PRIMA1: variants seen among roughly 807,000 people sequenced by gnomAD.
PRIMA1 encodes proline-rich membrane anchor 1.
PRIMA1 carries 7 observed loss-of-function variants against 17.5 expected under a neutral mutation model. The observed-to-expected ratio is 0.40, with a 90% CI of 0.23 to 0.75. The LOEUF is 0.75. Ranked by LOEUF, PRIMA1 falls within the 30% of genes least tolerant of loss-of-function variation. PRIMA1 has a pLI of 0.37. For missense variants in PRIMA1, 200 were observed against 201.8 expected (o/e 0.99, Z 0.05); for synonymous variants, 97 against 77.9 (o/e 1.25, Z -1.29).
At chr14:93,788,170 C>T (rs1238824482) in intron 1 of PRIMA1, among the ~76,000 whole-genome samples, 2 of 152,228 alleles carry the variant, frequency 1.3e-5, no homozygotes, top group African/African-American at 2.4e-5. Context: ...ACACACTGAT[C>T]CCCGTGCACA....
chr14:93,743,956 C>T, intron 3 of PRIMA1, among the ~76,000 whole-genome samples: 1 of 152,252 alleles, frequency 6.6e-6, no homozygotes, highest in Non-Finnish European at 1.5e-5. Flanking sequence ...TCGGCCCTGC[C>T]TCAGCCAGCT....
intron 3 of PRIMA1, among the ~76,000 whole-genome samples, chr14:93,741,845 T>G (rs757399998): frequency 2.0e-5 from 3 of 151,928 alleles, no homozygotes; most frequent in Non-Finnish European, 4.4e-5. Flanking sequence ...CAGCCAAGAT[T>G]CTGCAAACAC....
intron 3 of PRIMA1, among the ~76,000 whole-genome samples, chr14:93,748,850 G>T (rs536788425): frequency 6.6e-6 from 1 of 152,034 alleles, no homozygotes; most frequent in East Asian, 1.9e-4. Context: ...CATCATTCCT[G>T]TGCCTAATTA....
At chr14:93,750,030 A>G (rs2076250458) in intron 3 of PRIMA1, among the ~76,000 whole-genome samples, 1 of 152,192 alleles carries the variant, frequency 6.6e-6, no homozygotes, top group Non-Finnish European at 1.5e-5. Context: ...AAAATACAAA[A>G]AAGTAGCCAG....
intron 3 of PRIMA1, among the ~76,000 whole-genome samples, chr14:93,775,950 T>C (rs1325726724): frequency 6.6e-6 from 1 of 152,202 alleles, no homozygotes; most frequent in Non-Finnish European, 1.5e-5. Flanking sequence ...GCCACCATGA[T>C]TGGTCCACAG....
At chr14:93,724,792 G>A (rs2076063598) in intron 4 of PRIMA1, among the ~76,000 whole-genome samples, 1 of 152,126 alleles carries the variant, frequency 6.6e-6, no homozygotes, top group African/African-American at 2.4e-5. Flanking sequence ...TTGGGCTTAG[G>A]GCTAAAATAA....
intron 2 of PRIMA1, among the ~76,000 whole-genome samples, chr14:93,783,121 T>C (rs1271311259): frequency 2.0e-5 from 3 of 152,226 alleles, no homozygotes; most frequent in African/African-American, 7.2e-5. Flanking sequence ...CCATGCTATT[T>C]TGCAATGTGT....
intron 2 of PRIMA1, among the ~76,000 whole-genome samples, chr14:93,785,187 T>TAAA (rs750847133): frequency 7.6e-3 from 108 of 14,268 alleles, no homozygotes; most frequent in Non-Finnish European, 0.016. Context: ...CTCTTCTCTT[T>TAAA]CAAAAAAAAA....
At position 93,748,581 on chromosome 14, in the gene PRIMA1, C is replaced by G. The variant is rs143082522; in HGVS notation, c.230-11211G>C. The stretch of plus-strand genomic sequence containing the variant: ...ACAGGCAGCGGCACCGGGAGCCTCT[C>G]TGCCCCCCTGGCTGGTGGCCGAGGC... On this transcript the variant is annotated intron_variant, in intron 3 of 4. Coordinates refer to ENST00000393140, the MANE Select transcript of PRIMA1 (RefSeq NM_178013.4). Among the ~76,000 whole-genome samples, 475 of 152,216 alleles carry G rather than the reference C, an allele frequency of 3.1e-3. 4 individuals are homozygous for G. Among genetic ancestry groups the G allele is most frequent in the African/African-American group, 0.011 (466 of 41,542 alleles).
intron 3 of PRIMA1, among the ~76,000 whole-genome samples, chr14:93,772,444 G>A (rs973947419): frequency 3.9e-5 from 6 of 152,252 alleles, no homozygotes; most frequent in African/African-American, 1.2e-4. Context: ...CACAGAGGGC[G>A]TGTGTGTGCT....
chr14:93,731,399 C>G (rs2076113828), intron 4 of PRIMA1, among the ~76,000 whole-genome samples: 1 of 151,810 alleles, frequency 6.6e-6, no homozygotes, highest in African/African-American at 2.4e-5. Context: ...AAGAATGTGA[C>G]TTGGGGGAAA....
chr14:93,721,459 G>T lies in PRIMA1; in HGVS notation c.447C>A (p.Asn149Lys). Residue 149 changes from asparagine to lysine, a missense_variant, in exon 5 of 5, where the codon AAC becomes AAA. Asn to Lys is a moderately conservative substitution (Grantham distance 94). Coordinates refer to ENST00000393140, the MANE Select transcript of PRIMA1 (RefSeq NM_178013.4). ...GCCTGCAGACTCACACCACTGCGTTGTTCACGTCTACTCCTTTGTTGCTCT... is the reference window on the plus strand; with the variant it reads ...GCCTGCAGACTCACACCACTGCGTTTTTCACGTCTACTCCTTTGTTGCTCT... The part of the protein sequence containing the change: ...ASQSNKGVDV[N>K]NAVV 1 of 1,612,284 alleles carries T rather than the reference G, an allele frequency of 6.2e-7. No individual in the cohort carries two copies. The highest frequency in any genetic ancestry group is 8.5e-7 in the Non-Finnish European group (1 of 1,178,434).
At chr14:93,762,740 C>T (rs1480804298) in intron 3 of PRIMA1, among the ~76,000 whole-genome samples, 5 of 152,118 alleles carry the variant, frequency 3.3e-5, no homozygotes, top group Admixed American at 6.5e-5. Flanking sequence ...CTACCTTACA[C>T]GGGCTCCCCA....
intron 4 of PRIMA1, 104 bp from the exon 5 acceptor site, chr14:93,721,650 C>T (rs754103953): frequency 1.4e-6 from 1 of 701,866 alleles, no homozygotes; most frequent in Non-Finnish European, 2.5e-6. Flanking sequence ...CATCCCTGCT[C>T]CGTGAGAGTG....
At chr14:93,757,675 G>C (rs1234547422) in intron 3 of PRIMA1, among the ~76,000 whole-genome samples, 3 of 152,092 alleles carry the variant, frequency 2.0e-5, no homozygotes, top group Non-Finnish European at 2.9e-5. Context: ...TCTGTGCAGT[G>C]GGCTGAGTGG....
intron 3 of PRIMA1, among the ~76,000 whole-genome samples, chr14:93,775,561 C>T (rs1885191491): frequency 6.6e-6 from 1 of 152,184 alleles, no homozygotes; most frequent in Admixed American, 6.5e-5. Context: ...TGCAATGGTG[C>T]AATCTTGGCT....
chr14:93,730,181 G>A (rs1227441126), intron 4 of PRIMA1, among the ~76,000 whole-genome samples: 5 of 152,174 alleles, frequency 3.3e-5, no homozygotes, highest in South Asian at 2.1e-4. Flanking sequence ...AGGCACCGTC[G>A]GGAGAGAGAT....
At chr14:93,771,979 A>C (rs1265689754) in intron 3 of PRIMA1, among the ~76,000 whole-genome samples, 1 of 152,108 alleles carries the variant, frequency 6.6e-6, no homozygotes, top group Non-Finnish European at 1.5e-5. Flanking sequence ...AGAATAAGTA[A>C]CTCACCCTCT....
chr14:93,728,549 G>A (rs1054481231), intron 4 of PRIMA1, among the ~76,000 whole-genome samples: 2 of 152,102 alleles, frequency 1.3e-5, no homozygotes, highest in African/African-American at 4.8e-5. Flanking sequence ...AGGTGTCTGG[G>A]TCTTATCCTG....
Sources: gnomAD v4.1 joint callset for allele counts (sites outside exome capture counted in the v4.1 genomes callset) on GRCh38, gnomAD v4.1.1 for gene constraint, MANE v1.5 for transcripts, NCBI Gene and HGNC (gene_info 2026-07-23, HGNC 2026-07-21) for gene names.